Variants in C8orf34 observed in about 807,000 individuals in gnomAD.
C8orf34 encodes the protein chromosome 8 open reading frame 34, also known as uncharacterized protein C8orf34.
A neutral mutation model predicts 68.3 loss-of-function variants in C8orf34; 65 were observed. The ratio of observed to expected loss-of-function variants is 0.95; its 90% CI spans 0.78 to 1.17. The LOEUF is 1.17. Ranked by LOEUF, C8orf34 falls within the 50% of genes most tolerant of loss-of-function variation. C8orf34 has a pLI of 0.00. For synonymous variants in C8orf34, 244 were observed against 241.2 expected, an observed-to-expected ratio of 1.01 and a Z score of -0.11; for missense variants, 664 against 655.4, an observed-to-expected ratio of 1.01 and a Z score of -0.14.
At chr8:68,507,164 T>C (rs1814061015) in intron 5 of C8orf34, among the ~76,000 whole-genome samples, 2 of 152,240 alleles carry the variant, frequency 1.3e-5, no homozygotes. Flanking sequence ...ATTGAATTGA[T>C]TCCTTGGCAT....
At chr8:68,417,082 T>C (rs1199520193) in intron 1 of C8orf34, among the ~76,000 whole-genome samples, 5 of 152,136 alleles carry the variant, frequency 3.3e-5, no homozygotes, top group Admixed American at 3.3e-4. Context: ...CTATTAAAAC[T>C]ATTGTGTAGA....
At chr8:68,594,508 T>G (rs1441331189) in intron 7 of C8orf34, among the ~76,000 whole-genome samples, 1 of 152,114 alleles carries the variant, frequency 6.6e-6, no homozygotes, top group Non-Finnish European at 1.5e-5. Flanking sequence ...ATATATTATG[T>G]GATACTGAGG....
intron 5 of C8orf34, among the ~76,000 whole-genome samples, chr8:68,519,001 T>C (rs1814638056): frequency 6.6e-6 from 1 of 152,168 alleles, no homozygotes; most frequent in African/African-American, 2.4e-5. Context: ...TTTATTCTTT[T>C]CTCATACATT....
intron 7 of C8orf34, among the ~76,000 whole-genome samples, chr8:68,614,504 A>G (rs1056796523): frequency 7.2e-5 from 11 of 152,212 alleles, no homozygotes; most frequent in African/African-American, 1.2e-4. Flanking sequence ...AGCTTTCTAC[A>G]TACGGCTAGC....
chr8:68,377,235 A>G (rs1309237029), intron 1 of C8orf34, among the ~76,000 whole-genome samples: 1 of 152,054 alleles, frequency 6.6e-6, no homozygotes, highest in African/African-American at 2.4e-5. Flanking sequence ...CTATAAAAAG[A>G]AATAAAAAAA....
intron 6 of C8orf34, among the ~76,000 whole-genome samples, chr8:68,529,725 T>G (rs1197135448): frequency 2.0e-5 from 3 of 152,214 alleles, no homozygotes; most frequent in Admixed American, 6.5e-5. Context: ...GATAACACTC[T>G]TTTTCTGTAA....
At chr8:68,491,740 AT>A (rs1434770570) in intron 5 of C8orf34, among the ~76,000 whole-genome samples, 1 of 152,252 alleles carries the variant, frequency 6.6e-6, no homozygotes, top group Non-Finnish European at 1.5e-5. Flanking sequence ...AAATGTAAAT[AT>A]TAATTCATTT....
chr8:68,416,936 C>CA (rs1436937660), intron 1 of C8orf34, among the ~76,000 whole-genome samples: 1 of 152,072 alleles, frequency 6.6e-6, no homozygotes, highest in African/African-American at 2.4e-5. Context: ...TTAAGTATTA[C>CA]ACCATTACTT....
chr8:68,331,173 G>C lies in C8orf34; in HGVS notation c.161G>C (p.Cys54Ser), dbSNP rs1233749906. Reference sequence around the variant, plus strand: ...GGGCAGCCGAGGCTCCGGAGCTCCTGTCCCGGCCCCAGTCCGGGTAAAAGG... The same window carrying C: ...GGGCAGCCGAGGCTCCGGAGCTCCTCTCCCGGCCCCAGTCCGGGTAAAAGG... ...HAGQPRLRSSCPGPSPGKRRV... is the reference protein window; with the variant it reads ...HAGQPRLRSSSPGPSPGKRRV... The change falls in exon 1 of 14, where the codon TGT (cysteine) becomes TCT (serine). Residue 54 changes from cysteine to serine, a missense_variant. Coordinates refer to ENST00000518698, the MANE Select transcript of C8orf34 (RefSeq NM_052958.4). 3.3e-6 allele frequency: 5 copies of C among 1,532,668 alleles called. No individual in the cohort carries two copies. The highest frequency in any genetic ancestry group is 4.4e-6 in the Non-Finnish European group (5 of 1,144,342). 94.9% of individuals were successfully genotyped at this position (1,532,668 alleles called of 1,614,324 possible). A position where few individuals can be genotyped will look rare whatever the true frequency, so the allele number is the denominator to read the frequency against.
chr8:68,641,182 G>C (rs940747601), intron 8 of C8orf34, among the ~76,000 whole-genome samples: 1 of 152,158 alleles, frequency 6.6e-6, no homozygotes, highest in African/African-American at 2.4e-5. Flanking sequence ...GTCCAGATTA[G>C]CAAGAACAAT....
intron 1 of C8orf34, among the ~76,000 whole-genome samples, chr8:68,409,548 T>C (rs1007663445): frequency 6.6e-6 from 1 of 152,176 alleles, no homozygotes. Flanking sequence ...GTTTCTAAGC[T>C]AAGTGTTATG....
rs73683733 is a variant in C8orf34, at chr8:68,812,023, C to T, written c.1550-3863C>T. ...TCAAGAGAGGAATGATCTCACTCTG[C>T]ACTGAAAGAGTTTTAACATAAAGAA... On this transcript the variant is annotated intron_variant, in intron 12 of 13. Transcript: ENST00000518698. 7.5e-3 allele frequency among the ~76,000 whole-genome samples: 1,145 copies of T among 152,156 alleles called. 15 individuals are homozygous for T. The highest frequency in any genetic ancestry group is 0.026 in the African/African-American group (1,085 of 41,518).
At chr8:68,389,785 A>G (rs1307376294) in intron 1 of C8orf34, among the ~76,000 whole-genome samples, 4 of 152,116 alleles carry the variant, frequency 2.6e-5, no homozygotes, top group Non-Finnish European at 2.9e-5. Context: ...TTTCTTTTCT[A>G]TTTACTTTTG....
intron 1 of C8orf34, among the ~76,000 whole-genome samples, chr8:68,428,028 T>G (rs1810302580): frequency 6.7e-6 from 1 of 150,332 alleles, no homozygotes; most frequent in Non-Finnish European, 1.5e-5. Context: ...AATCATAATA[T>G]TCCCTAGAAA....
At chr8:68,778,509 A>T (rs1305722570) in intron 11 of C8orf34, among the ~76,000 whole-genome samples, 1 of 152,192 alleles carries the variant, frequency 6.6e-6, no homozygotes, top group Non-Finnish European at 1.5e-5. Flanking sequence ...AATCAAAACT[A>T]CAGAGATGAT....
intron 8 of C8orf34, among the ~76,000 whole-genome samples, chr8:68,665,260 T>C (rs746359999): frequency 9.9e-5 from 15 of 152,228 alleles, no homozygotes; most frequent in Non-Finnish European, 2.1e-4. Flanking sequence ...CTTTAAATTG[T>C]GTATACAGGC....
intron 4 of C8orf34, among the ~76,000 whole-genome samples, chr8:68,483,127 C>A (rs1169287374): frequency 1.3e-5 from 2 of 152,126 alleles, no homozygotes; most frequent in Non-Finnish European, 2.9e-5. Flanking sequence ...TAACTACAAC[C>A]TAATTCTAAC....
rs536483852 is a variant in C8orf34 at position 68,461,586 on chromosome 8, G to A, written c.608-7106G>A. On this transcript the variant is annotated intron_variant, in intron 3 of 13. Transcript: ENST00000518698. ...AAGGGGAGCCCATCAGACTAAGAGC[G>A]GATCTCTCGGCAGAAACTCTACAAG... 7.9e-5 allele frequency among the ~76,000 whole-genome samples: 12 copies of A among 152,278 alleles called. No individual in the cohort carries two copies. In the South Asian group the frequency reaches 1.2e-3, roughly 16 times the overall value.
intron 5 of C8orf34, among the ~76,000 whole-genome samples, chr8:68,518,886 C>CAAAAAAAA (rs56255310): frequency 5.1e-5 from 4 of 78,190 alleles, no homozygotes; most frequent in African/African-American, 1.0e-4. Context: ...GAGCAAGACT[C>CAAAAAAAA]AAAAAAAAAA....
Sources: gnomAD v4.1 joint callset for allele counts (sites outside exome capture counted in the v4.1 genomes callset) on GRCh38, gnomAD v4.1.1 for gene constraint, MANE v1.5 for transcripts, NCBI Gene and HGNC (gene_info 2026-07-23, HGNC 2026-07-21) for gene names.